Variants in MACROD2 observed in about 807,000 individuals in gnomAD.
MACROD2 encodes mono-ADP ribosylhydrolase 2.
In MACROD2, 36 loss-of-function variants were observed where a neutral mutation model predicts 70.4. The ratio of observed to expected loss-of-function variants is 0.51; its 90% confidence interval spans 0.39 to 0.68. MACROD2 has a LOEUF of 0.68. MACROD2 is among the 30% of genes least tolerant of loss of function. The probability of loss-of-function intolerance (pLI) is 0.00; values close to 1 mark genes in which losing one functional copy is unlikely to be tolerated. For missense variants in MACROD2, 496 were observed against 538.4 expected (o/e 0.92, Z 0.78); for synonymous variants, 172 against 178.8 (o/e 0.96, Z 0.30).
At chr20:15,039,270 T>C (rs1481139156) in intron 5 of MACROD2, among the ~76,000 whole-genome samples, 1 of 152,172 alleles carries the variant, frequency 6.6e-6, no homozygotes, top group Non-Finnish European at 1.5e-5. Context: ...TTGTTCACAT[T>C]CTTCTTGGCC....
At chr20:15,130,243 A>G (rs2076095500) in intron 5 of MACROD2, among the ~76,000 whole-genome samples, 1 of 151,992 alleles carries the variant, frequency 6.6e-6, no homozygotes, top group African/African-American at 2.4e-5. Context: ...AGCACTGACC[A>G]TTCACCATTC....
intron 15 of MACROD2, among the ~76,000 whole-genome samples, chr20:15,991,104 C>T (rs972637897): frequency 1.3e-5 from 2 of 152,246 alleles, no homozygotes; most frequent in Middle Eastern, 3.4e-3. Flanking sequence ...GATTGGACAG[C>T]TAATTATTCC....
At chr20:14,171,118 A>G (rs1261549076) in intron 3 of MACROD2, among the ~76,000 whole-genome samples, 1 of 152,016 alleles carries the variant, frequency 6.6e-6, no homozygotes, top group Non-Finnish European at 1.5e-5. Context: ...TAGGTTTTCT[A>G]GTTTATGCAC....
At chr20:15,220,885 A>C (rs1387047839) in intron 5 of MACROD2, among the ~76,000 whole-genome samples, 1 of 152,204 alleles carries the variant, frequency 6.6e-6, no homozygotes, top group Non-Finnish European at 1.5e-5. Flanking sequence ...GGTTCTCACT[A>C]AATATGTATT....
intron 2 of MACROD2, among the ~76,000 whole-genome samples, chr20:14,035,648 A>C (rs1420489442): frequency 6.6e-6 from 1 of 152,208 alleles, no homozygotes; most frequent in African/African-American, 2.4e-5. Flanking sequence ...AGTTCGTGGA[A>C]AATTTTTTGT....
intron 8 of MACROD2, among the ~76,000 whole-genome samples, chr20:15,615,675 C>A (rs896408904): frequency 6.6e-6 from 1 of 152,088 alleles, no homozygotes; most frequent in African/African-American, 2.4e-5. Context: ...GGGCCTGTGT[C>A]GGACTGAGGA....
intron 6 of MACROD2, among the ~76,000 whole-genome samples, chr20:15,369,551 G>A (rs1474339912): frequency 6.6e-6 from 1 of 152,154 alleles, no homozygotes; most frequent in Non-Finnish European, 1.5e-5. Flanking sequence ...TACCCTGTAT[G>A]TTTAAATTAC....
In MACROD2 at chr20:14,573,460, A is replaced by G. The variant is rs148601253; in HGVS notation, c.301+79952A>G. ...AACTAAAATAGAAAATAAAGTATCTACGTACATTTTAGCTGCTGCTCTTTT... is the reference window on the plus strand; with the variant it reads ...AACTAAAATAGAAAATAAAGTATCTGCGTACATTTTAGCTGCTGCTCTTTT... On this transcript the variant is annotated intron_variant, in intron 4 of 17. Transcript: ENST00000684519. 1.7e-3 allele frequency among the ~76,000 whole-genome samples: 255 copies of G among 152,334 alleles called. 1 individual carries two copies. Among genetic ancestry groups the G allele is most frequent in the African/African-American group, 5.8e-3 (243 of 41,588 alleles).
At chr20:14,623,001 C>T (rs1209121697) in intron 4 of MACROD2, 1 of 152,232 alleles carries the variant, frequency 6.6e-6, no homozygotes, top group Non-Finnish European at 1.5e-5. Flanking sequence ...GTGCAGGAAG[C>T]TGCCCTCTCC....
intron 5 of MACROD2, among the ~76,000 whole-genome samples, chr20:15,101,105 T>C (rs886412849): frequency 6.6e-6 from 1 of 152,296 alleles, no homozygotes; most frequent in African/African-American, 2.4e-5. Flanking sequence ...TGTTGCCTGA[T>C]AGTAATCTTT....
intron 3 of MACROD2, among the ~76,000 whole-genome samples, chr20:14,239,620 A>G (rs2081911330): frequency 6.6e-6 from 1 of 152,106 alleles, no homozygotes; most frequent in Non-Finnish European, 1.5e-5. Flanking sequence ...TGGAGAAAGG[A>G]CTCATTCAAT....
intron 4 of MACROD2, among the ~76,000 whole-genome samples, chr20:14,529,074 G>C (rs930036549): frequency 5.3e-5 from 8 of 152,158 alleles, no homozygotes; most frequent in African/African-American, 1.9e-4. Context: ...AAGGGCACGA[G>C]ATTGGGTTGT....
chr20:15,536,556 T>A (rs2047877615), intron 8 of MACROD2, among the ~76,000 whole-genome samples: 1 of 152,212 alleles, frequency 6.6e-6, no homozygotes, highest in Non-Finnish European at 1.5e-5. Context: ...CAGAATAGGA[T>A]GTTATAAAGA....
At chr20:15,973,186 T>C (rs1312554933) in intron 13 of MACROD2, among the ~76,000 whole-genome samples, 1 of 152,124 alleles carries the variant, frequency 6.6e-6, no homozygotes, top group African/African-American at 2.4e-5. Context: ...TTAATTGATA[T>C]CTCTATATTT....
At chr20:15,446,072 A>G (rs909939054) in intron 7 of MACROD2, among the ~76,000 whole-genome samples, 5 of 152,158 alleles carry the variant, frequency 3.3e-5, no homozygotes, top group African/African-American at 1.2e-4. Context: ...TAGAGTGCCA[A>G]AGATTTGTGT....
At chr20:16,033,860 G>GGC (rs2067187910) in intron 15 of MACROD2, among the ~76,000 whole-genome samples, 3 of 151,714 alleles carry the variant, frequency 2.0e-5, no homozygotes, top group South Asian at 2.1e-4. Flanking sequence ...TAGGGGGTGG[G>GGC]GTGGGGGAGA....
intron 3 of MACROD2, among the ~76,000 whole-genome samples, chr20:14,414,299 TGTC>T (rs2083780407): frequency 6.6e-6 from 1 of 152,170 alleles, no homozygotes; most frequent in South Asian, 2.1e-4. Context: ...CCACTCTTCC[TGTC>T]GTACAAGCCC....
intron 3 of MACROD2, among the ~76,000 whole-genome samples, chr20:14,225,378 C>G (rs1037092062): frequency 4.6e-5 from 7 of 152,174 alleles, no homozygotes; most frequent in African/African-American, 1.4e-4. Context: ...TCTGATTCAT[C>G]TAATAGCTTT....
chr20:15,530,716 C>CAAAA (rs57826871), intron 8 of MACROD2, among the ~76,000 whole-genome samples: 6,436 of 90,280 alleles, frequency 0.071, 439 homozygotes, highest in East Asian at 0.37. Flanking sequence ...CTCCATCTCA[C>CAAAA]AAAAAAAAAA....
Sources: allele counts gnomAD v4.1 joint callset (sites outside exome capture counted in the v4.1 genomes callset), GRCh38; gene constraint gnomAD v4.1.1; transcripts MANE v1.5; gene names NCBI Gene and HGNC (gene_info 2026-07-23, HGNC 2026-07-21).